PPP4R4: variants seen among roughly 807,000 people sequenced by gnomAD.
The protein encoded by PPP4R4 is serine/threonine-protein phosphatase 4 regulatory subunit 4.
Under a neutral mutation model 121.8 loss-of-function variants are expected in PPP4R4, and 70 were observed. The ratio of observed to expected loss-of-function variants is 0.57; its 90% CI spans 0.47 to 0.70. The LOEUF (loss-of-function observed/expected upper bound fraction) is 0.70. Ranked by LOEUF, PPP4R4 falls within the 30% of genes least tolerant of loss-of-function variation. PPP4R4 has a pLI of 0.00. For missense variants in PPP4R4, 875 were observed against 1,033.6 expected, an observed-to-expected ratio of 0.85 and a Z score of 2.10; for synonymous variants, 348 against 355.7, an observed-to-expected ratio of 0.98 and a Z score of 0.24.
At chr14:94,196,049 T>G (rs1015320452) in intron 2 of PPP4R4, among the ~76,000 whole-genome samples, 3 of 151,994 alleles carry the variant, frequency 2.0e-5, no homozygotes, top group African/African-American at 7.2e-5. Context: ...AACTTGCTTA[T>G]TTTGCTTGGA....
intron 4 of PPP4R4, 94 bp from the exon 5 acceptor site, chr14:94,231,148 T>A (rs1376617413): frequency 1.1e-6 from 1 of 893,968 alleles, no homozygotes; most frequent in African/African-American, 1.7e-5. Context: ...ATTTCCATTT[T>A]ATCATTAAGT....
chr14:94,241,623 A>G (rs1892640745), intron 9 of PPP4R4, among the ~76,000 whole-genome samples, 165 bp from the exon 10 acceptor site: 1 of 152,092 alleles, frequency 6.6e-6, no homozygotes, highest in Admixed American at 6.5e-5. Flanking sequence ...GTGATCTGTT[A>G]GATTCCTAAC....
chr14:94,269,472 C>T (rs961595793), intron 23 of PPP4R4, among the ~76,000 whole-genome samples: 7 of 151,438 alleles, frequency 4.6e-5, no homozygotes, highest in South Asian at 2.1e-4. Flanking sequence ...TCAGGAGATC[C>T]GGATAATCCT....
chr14:94,277,355 T>C (rs1428324935), intron 24 of PPP4R4, among the ~76,000 whole-genome samples: 1 of 152,166 alleles, frequency 6.6e-6, no homozygotes, highest in Non-Finnish European at 1.5e-5. Flanking sequence ...TATAGAGAGC[T>C]TTGTGTGCCT....
chr14:94,176,102 A>G lies in PPP4R4; in HGVS notation c.166A>G (p.Ile56Val), dbSNP rs1888667876. The change falls in exon 2 of 25, where the codon ATT (isoleucine) becomes GTT (valine). Residue 56 changes from isoleucine to valine, a missense_variant. Ile to Val is a conservative substitution (Grantham distance 29). Transcript: ENST00000304338. ...RLTVDEDLSDIERAVYLLSAG... is the reference protein window; with the variant it reads ...RLTVDEDLSDVERAVYLLSAG... Reference sequence around the variant, plus strand: ...GACAGTCGATGAAGACCTCAGTGATATTGAAAGGGCTGTTTATCTGCTCAG... The same window carrying G: ...GACAGTCGATGAAGACCTCAGTGATGTTGAAAGGGCTGTTTATCTGCTCAG... The G allele has an allele frequency of 2.5e-6, 4 of 1,612,540 alleles. No individual in the cohort carries two copies. Among genetic ancestry groups the G allele is most frequent in the Non-Finnish European group, 3.4e-6 (4 of 1,178,520 alleles).
intron 2 of PPP4R4, among the ~76,000 whole-genome samples, chr14:94,196,705 G>A (rs11623612): frequency 0.13 from 19,270 of 151,784 alleles, 1,356 homozygotes; most frequent in Admixed American, 0.21. Flanking sequence ...CTTCTTTCTA[G>A]TTTAGTCTTT....
At chr14:94,205,633 G>A (rs548765358) in intron 2 of PPP4R4, among the ~76,000 whole-genome samples, 60 of 151,418 alleles carry the variant, frequency 4.0e-4, no homozygotes, top group African/African-American at 1.3e-3. Flanking sequence ...TTTTTCTAAT[G>A]GTTACATTTC....
intron 18 of PPP4R4, 90 bp downstream of exon 18, chr14:94,258,914 G>A (rs1893622163): frequency 8.2e-7 from 1 of 1,226,322 alleles, no homozygotes; most frequent in Non-Finnish European, 1.2e-6. Flanking sequence ...ACAAAAGAAA[G>A]AGGTTTAATT....
intron 2 of PPP4R4, among the ~76,000 whole-genome samples, chr14:94,204,114 A>G (rs1320568826): frequency 2.0e-5 from 3 of 152,126 alleles, no homozygotes; most frequent in Admixed American, 2.0e-4. Context: ...CTAGCCCTAG[A>G]TCTAGAAGCT....
chr14:94,211,439 A>G (rs1890732153), intron 3 of PPP4R4, among the ~76,000 whole-genome samples: 1 of 152,166 alleles, frequency 6.6e-6, no homozygotes, highest in Admixed American at 6.6e-5. Flanking sequence ...GAGAGTCAGG[A>G]CCAAGTAGTT....
chr14:94,198,184 C>T (rs1889985151), intron 2 of PPP4R4, among the ~76,000 whole-genome samples: 1 of 152,158 alleles, frequency 6.6e-6, no homozygotes, highest in South Asian at 2.1e-4. Flanking sequence ...ACTCCTCATC[C>T]TTGCCAACAT....
At chr14:94,183,975 T>G (rs1296413323) in intron 2 of PPP4R4, among the ~76,000 whole-genome samples, 1 of 152,102 alleles carries the variant, frequency 6.6e-6, no homozygotes, top group Non-Finnish European at 1.5e-5. Context: ...ATCAATGTAA[T>G]CATATTATAA....
intron 4 of PPP4R4, among the ~76,000 whole-genome samples, chr14:94,230,951 T>C (rs1322712415): frequency 6.6e-6 from 1 of 152,232 alleles, no homozygotes; most frequent in Non-Finnish European, 1.5e-5. Context: ...ATTCATCTTA[T>C]GATTTATACT....
In PPP4R4 at chr14:94,265,026, A is replaced by G. The variant is rs562974060; in HGVS notation, c.2197+79A>G. ...CTGGTATTCTGAAAGACCATGCTGA[A>G]TTTTTTATTTGATATGGAAAATTGC... On this transcript the variant is annotated intron_variant, in intron 20 of 24. Coordinates refer to ENST00000304338, the MANE Select transcript of PPP4R4 (RefSeq NM_058237.2). The G allele has an allele frequency of 8.5e-4, 1,025 of 1,202,388 alleles. 1 individual carries two copies. The highest frequency in any genetic ancestry group is 1.0e-3 in the Non-Finnish European group (877 of 847,722). The allele number at this position is 1,202,388 out of a possible 1,614,324, so 74.5% of individuals were successfully genotyped here.
intron 3 of PPP4R4, among the ~76,000 whole-genome samples, chr14:94,215,161 T>C (rs988825459): frequency 1.3e-5 from 2 of 152,174 alleles, no homozygotes; most frequent in Admixed American, 1.3e-4. Context: ...GCTTTAGATA[T>C]ATCCTTAAAA....
At position 94,264,907 on chromosome 14, in the gene PPP4R4, T is replaced by G. The variant is rs1893959486; in HGVS notation, c.2157T>G (p.Asn719Lys). 6.2e-7 allele frequency: 1 copy of G among 1,605,664 alleles called. No homozygotes were observed. The highest frequency in any genetic ancestry group is 2.2e-5 in the East Asian group (1 of 44,604). Reference protein sequence around the residue: ...MEQLEKEKQQNDGRPMSDKMF... With the variant: ...MEQLEKEKQQKDGRPMSDKMF... ...AATTAGAGAAAGAAAAGCAACAGAA[T>G]GATGGAAGGCCCATGAGTGATAAAA... Residue 719 changes from asparagine to lysine, a missense_variant, in exon 20 of 25, where the codon AAT becomes AAG. Asn to Lys is a moderately conservative substitution (Grantham distance 94, BLOSUM62 0). Coordinates refer to ENST00000304338, the MANE Select transcript of PPP4R4 (RefSeq NM_058237.2).
At chr14:94,246,690 C>G in intron 14 of PPP4R4, 151 bp downstream of exon 14, 4 of 812,702 alleles carry the variant, frequency 4.9e-6, no homozygotes, top group Non-Finnish European at 7.4e-6. Context: ...GAAGAGGGGA[C>G]TCAGGTTTCC....
chr14:94,275,809 A>C (rs1457652289), intron 24 of PPP4R4, among the ~76,000 whole-genome samples: 1 of 152,036 alleles, frequency 6.6e-6, no homozygotes, highest in African/African-American at 2.4e-5. Context: ...ACATTTAGGG[A>C]ATTTATCTCT....
intron 24 of PPP4R4, among the ~76,000 whole-genome samples, chr14:94,276,574 G>A (rs543644216): frequency 1.3e-5 from 2 of 152,166 alleles, no homozygotes; most frequent in Admixed American, 6.5e-5. Context: ...TGGGGGAGGT[G>A]CCACACACTT....
Sources: gnomAD v4.1 joint callset for allele counts (sites outside exome capture counted in the v4.1 genomes callset) on GRCh38, gnomAD v4.1.1 for gene constraint, MANE v1.5 for transcripts, NCBI Gene and HGNC (gene_info 2026-07-23, HGNC 2026-07-21) for gene names.